OPHN1: variants seen among roughly 807,000 people sequenced by gnomAD.
OPHN1 encodes oligophrenin-1.
In OPHN1, 11 loss-of-function variants were observed where a neutral mutation model predicts 60.7. The ratio of observed to expected loss-of-function variants is 0.18; its 90% CI spans 0.11 to 0.30. The LOEUF is 0.30. OPHN1 is among the 10% of genes least tolerant of loss of function. The probability of loss-of-function intolerance (pLI) is 1.00; values close to 1 mark genes in which losing one functional copy is unlikely to be tolerated. For missense variants in OPHN1, 449 were observed against 611.0 expected, an observed-to-expected ratio of 0.73 and a Z score of 2.80; for synonymous variants, 226 against 222.6, an observed-to-expected ratio of 1.02 and a Z score of -0.14.
At position 68,353,013 on chromosome X, in the gene OPHN1, G is replaced by C. The variant is rs184012835; in HGVS notation, c.155-53917C>G. ...CAAAAATTCAAAAAATTAGCCAGGCGTGGTGGCTTGCACCTGTGGTCCCAG... is the reference window on the plus strand; with the variant it reads ...CAAAAATTCAAAAAATTAGCCAGGCCTGGTGGCTTGCACCTGTGGTCCCAG... On this transcript the variant is annotated intron_variant, in intron 2 of 24. Transcript: ENST00000355520. 9.0e-3 allele frequency among the ~76,000 whole-genome samples: 980 copies of C among 109,039 alleles called. 7 individuals carry two copies. The highest frequency in any genetic ancestry group is 0.032 in the African/African-American group (949 of 29,945). 94.7% of individuals were successfully genotyped at this position (109,039 alleles called of 115,157 possible). A position where few individuals can be genotyped will look rare whatever the true frequency, so the allele number is the denominator to read the frequency against.
intron 23 of OPHN1, among the ~76,000 whole-genome samples, chrX:68,050,450 G>A (rs2076847525): frequency 8.9e-6 from 1 of 111,813 alleles, no homozygotes; most frequent in Admixed American, 9.5e-5. Context: ...AGGCTTCCTC[G>A]AGCACTGGCT....
chrX:68,366,919 G>T (rs764900045), intron 2 of OPHN1, among the ~76,000 whole-genome samples: 1 of 111,485 alleles, frequency 9.0e-6, no homozygotes, highest in South Asian at 3.8e-4. Context: ...AAACAGAGAG[G>T]TTAAGTAACT....
intron 2 of OPHN1, among the ~76,000 whole-genome samples, chrX:68,317,555 GAA>G (rs1366908704): frequency 1.5e-5 from 1 of 65,596 alleles, no homozygotes; most frequent in South Asian, 8.7e-4. Flanking sequence ...AAGAAAGAAA[GAA>G]AGAAAGAAAG....
intron 15 of OPHN1, among the ~76,000 whole-genome samples, chrX:68,173,030 T>G (rs925080029): frequency 9.0e-6 from 1 of 110,737 alleles, no homozygotes; most frequent in Admixed American, 9.7e-5. Flanking sequence ...CCTTACACCA[T>G]GCATGGACTG....
intron 15 of OPHN1, among the ~76,000 whole-genome samples, chrX:68,161,214 G>T (rs2147402654): frequency 9.0e-6 from 1 of 110,857 alleles, no homozygotes; most frequent in East Asian, 2.8e-4. Flanking sequence ...GAATAGGCCT[G>T]CAATGAGTAA....
intron 19 of OPHN1, among the ~76,000 whole-genome samples, chrX:68,082,059 C>T (rs187742212): frequency 5.4e-4 from 60 of 111,835 alleles, no homozygotes; most frequent in African/African-American, 1.9e-3. Context: ...TTTCTTTGCT[C>T]ATCCATAAAA....
intron 18 of OPHN1, among the ~76,000 whole-genome samples, chrX:68,109,103 T>C (rs2077093636): frequency 9.0e-6 from 1 of 111,284 alleles, no homozygotes; most frequent in African/African-American, 3.3e-5. Flanking sequence ...ACCCCTTATA[T>C]AATTCCAGAA....
intron 2 of OPHN1, among the ~76,000 whole-genome samples, chrX:68,378,353 T>A (rs1351399189): frequency 8.9e-6 from 1 of 111,852 alleles, no homozygotes; most frequent in African/African-American, 3.2e-5. Flanking sequence ...ATAAGTAGGT[T>A]GTGAAAATTT....
At position 68,258,508 on chromosome X, in the gene OPHN1, G is replaced by A. The variant is rs190219367; in HGVS notation, c.384+16230C>T. ...AATTCCCACCTATGAGTCAGAACAC[G>A]CAGTGTTTGGTTTTTTGTCCTTGCG... On this transcript the variant is annotated intron_variant, in intron 5 of 24. Transcript: ENST00000355520. 8.2e-4 allele frequency among the ~76,000 whole-genome samples: 84 copies of A among 102,481 alleles called. 1 individual carries two copies. The highest frequency in any genetic ancestry group is 1.5e-3 in the Non-Finnish European group (79 of 51,161). The allele number at this position is 102,481 out of a possible 115,157, so 89.0% of individuals were successfully genotyped here.
chrX:68,113,870 C>T (rs1475063825), intron 16 of OPHN1, among the ~76,000 whole-genome samples: 7 of 102,044 alleles, frequency 6.9e-5, no homozygotes, highest in South Asian at 5.1e-4. Context: ...TGTTAAATGA[C>T]GAGTTAATGG....
chrX:68,209,374 T>G (rs770987034), intron 9 of OPHN1, among the ~76,000 whole-genome samples: 3 of 111,834 alleles, frequency 2.7e-5, no homozygotes, highest in Admixed American at 9.5e-5. Flanking sequence ...TCCATGAGCC[T>G]GAGCAACATA....
At chrX:68,074,085 C>T (rs770286345) in intron 19 of OPHN1, among the ~76,000 whole-genome samples, 36 of 112,010 alleles carry the variant, frequency 3.2e-4, no homozygotes, top group Non-Finnish European at 6.6e-4. Flanking sequence ...AGCCCAAGTG[C>T]ATACACTATG....
chrX:68,237,792 A>G (rs922534344), intron 5 of OPHN1, among the ~76,000 whole-genome samples: 1 of 111,412 alleles, frequency 9.0e-6, no homozygotes, highest in African/African-American at 3.3e-5. Flanking sequence ...TGTGTTCCTT[A>G]GGATTTTCTA....
At chrX:68,229,590 T>G (rs183236554) in intron 6 of OPHN1, among the ~76,000 whole-genome samples, 6 of 110,849 alleles carry the variant, frequency 5.4e-5, no homozygotes, top group Non-Finnish European at 7.6e-5. Flanking sequence ...ACAGAATAGA[T>G]CCCTCAGAAA....
chrX:68,072,286 G>A (rs1212737959), intron 20 of OPHN1, among the ~76,000 whole-genome samples: 1 of 112,080 alleles, frequency 8.9e-6, no homozygotes, highest in Non-Finnish European at 1.9e-5. Flanking sequence ...GATAAATTTG[G>A]AAATCATCTT....
intron 15 of OPHN1, among the ~76,000 whole-genome samples, chrX:68,150,768 C>T (rs1200373711): frequency 9.0e-6 from 1 of 111,438 alleles, no homozygotes; most frequent in African/African-American, 3.3e-5. Flanking sequence ...AGAGGTGAGG[C>T]CAGGAGAAAT....
intron 19 of OPHN1, among the ~76,000 whole-genome samples, chrX:68,096,325 G>A (rs139042173): frequency 0.047 from 5,251 of 111,583 alleles, 119 homozygotes; most frequent in Non-Finnish European, 0.072. Flanking sequence ...TCTTCACAAC[G>A]ATCCATTTCA....
chrX:68,368,951 G>A (rs1388650916), intron 2 of OPHN1, among the ~76,000 whole-genome samples: 1 of 112,002 alleles, frequency 8.9e-6, no homozygotes, highest in Non-Finnish European at 1.9e-5. Flanking sequence ...GCTCACGCCT[G>A]TAATCCCAGC....
chrX:68,048,052 AG>A (rs1410146739), intron 24 of OPHN1, among the ~76,000 whole-genome samples: 1 of 111,717 alleles, frequency 9.0e-6, no homozygotes, highest in Non-Finnish European at 1.9e-5. Flanking sequence ...CAGAGTTAGA[AG>A]GTTCCAACCT....
Sources: gnomAD v4.1 joint callset for allele counts (sites outside exome capture counted in the v4.1 genomes callset) on GRCh38, gnomAD v4.1.1 for gene constraint, MANE v1.5 for transcripts, NCBI Gene and HGNC (gene_info 2026-07-23, HGNC 2026-07-21) for gene names.